KY: variants seen among roughly 807,000 people sequenced by gnomAD.
KY encodes the protein kyphoscoliosis peptidase.
Under a neutral mutation model 76.1 loss-of-function variants are expected in KY, and 43 were observed. The observed-to-expected ratio is 0.57, with a 90% CI of 0.44 to 0.73. The LOEUF (loss-of-function observed/expected upper bound fraction) is 0.73. KY is among the 30% of genes least tolerant of loss of function. The pLI, the probability that KY is intolerant of heterozygous loss-of-function variation, is 0.00. For missense variants in KY, 722 were observed against 828.9 expected (o/e 0.87, Z 1.58); for synonymous variants, 277 against 326.2 (o/e 0.85, Z 1.63).
At position 134,601,351 on chromosome 3, in the gene KY, C is replaced by T. The variant is rs1485718885; in HGVS notation, c.*2228G>A. Among the ~76,000 whole-genome samples the T allele has an allele frequency of 3.3e-5, 5 of 152,090 alleles. No individual in the cohort carries two copies. Among genetic ancestry groups the T allele is most frequent in the Non-Finnish European group, 5.9e-5 (4 of 68,020 alleles). On this transcript the variant is annotated 3_prime_UTR_variant, in exon 11 of 11. Coordinates refer to ENST00000423778, the MANE Select transcript of KY (RefSeq NM_178554.6). The stretch of plus-strand genomic sequence containing the variant: ...AGCTCCTATTTTGCTGGGTGGCATT[C>T]TCTGCAATGCTCCAGGATGTATTGA...
chr3:134,620,692 C>A, intron 7 of KY, 57 bp downstream of exon 7: 1 of 1,220,546 alleles, frequency 8.2e-7, no homozygotes, highest in South Asian at 1.3e-5. Flanking sequence ...GGAGCAGAGG[C>A]CTGCAGGGAA....
intron 2 of KY, among the ~76,000 whole-genome samples, chr3:134,646,733 C>T (rs1461001340): frequency 6.6e-6 from 1 of 152,182 alleles, no homozygotes; most frequent in Non-Finnish European, 1.5e-5. Flanking sequence ...CTAGGGCTCA[C>T]ATAGCTGCGG....
At chr3:134,623,859 C>T (rs994229551) in intron 6 of KY, among the ~76,000 whole-genome samples, 4 of 152,186 alleles carry the variant, frequency 2.6e-5, no homozygotes, top group Non-Finnish European at 4.4e-5. Context: ...TCTGACCCTT[C>T]CTGGCCTTGC....
intron 7 of KY, chr3:134,620,034 G>C (rs1018066521): frequency 6.6e-6 from 1 of 152,270 alleles, no homozygotes; most frequent in Non-Finnish European, 1.5e-5. Flanking sequence ...GCAGCAGGTC[G>C]AGAAAGACCC....
chr3:134,643,504 T>TGTGTGCACACCCTCACA (rs1966033702), intron 2 of KY, 126 bp from the exon 3 acceptor site: 2 of 699,292 alleles, frequency 2.9e-6, no homozygotes, highest in Admixed American at 4.5e-5. Flanking sequence ...CAGGCCTAAA[T>TGTGTGCACACCCTCACA]GTGTGCACAC....
chr3:134,627,643 G>A, intron 5 of KY, 113 bp downstream of exon 5: 1 of 871,630 alleles, frequency 1.1e-6, no homozygotes, highest in Non-Finnish European at 1.9e-6. Flanking sequence ...CCCAAAGGTG[G>A]CCCCAGCCTC....
At chr3:134,636,274 T>C (rs1220642988) in intron 3 of KY, among the ~76,000 whole-genome samples, 1 of 152,264 alleles carries the variant, frequency 6.6e-6, no homozygotes, top group Non-Finnish European at 1.5e-5. Context: ...AGAATGCCCA[T>C]TGTGCACATT....
Position 134,604,356 on chromosome 3 carries a change from C to T in KY, c.1209G>A (p.Glu403=), listed in dbSNP as rs751530888. The change falls in exon 11 of 11, where the codon GAG becomes GAA. Residue 403 remains glutamate, a synonymous_variant. Coordinates refer to ENST00000423778, the MANE Select transcript of KY (RefSeq NM_178554.6). ...LSLRKNGMKL[E]VYPPTMGTHK... is the part of the protein sequence containing the mutation. ...GAGTGCCCATGGTTGGAGGGTACAC[C>T]TCCAACTTCATCCCATTCTTCCTTA... 6.2e-7 allele frequency: 1 copy of T among 1,614,028 alleles called. No individual in the cohort carries two copies. Among genetic ancestry groups the T allele is most frequent in the East Asian group, 2.2e-5 (1 of 44,872 alleles).
chr3:134,621,745 G>A (rs972416250), intron 6 of KY, among the ~76,000 whole-genome samples: 6 of 152,110 alleles, frequency 3.9e-5, no homozygotes, highest in African/African-American at 1.2e-4. Flanking sequence ...AAATTTCTGT[G>A]CATTAAAGGA....
In KY at chr3:134,603,998, G is replaced by T; in HGVS notation, c.1567C>A (p.Leu523Met). ...FQLHREKQTE[L>M]KVQLPHAGKF... is the part of the protein sequence containing the mutation. ...CCTGCATGGGGCAGCTGGACTTTCA[G>T]CTCGGTCTGCTTCTCCCGGTGCAGC... The change falls in exon 11 of 11, where the codon CTG becomes ATG. Residue 523 changes from leucine to methionine, a missense_variant. Transcript: ENST00000423778. 6.2e-7 allele frequency: 1 copy of T among 1,613,874 alleles called. No individual in the cohort carries two copies. Among genetic ancestry groups the T allele is most frequent in the African/African-American group, 1.3e-5 (1 of 75,048 alleles).
chr3:134,627,669 A>G, intron 5 of KY, 87 bp downstream of exon 5: 1 of 1,222,616 alleles, frequency 8.2e-7, no homozygotes, highest in South Asian at 1.2e-5. Context: ...ATAGTGGCCC[A>G]GGAAGCAACT....
At position 134,650,985 on chromosome 3, in the gene KY, G is replaced by A; in HGVS notation, c.-25C>T. Reference sequence around the variant, plus strand: ...TGATGCCGCCTCCTTTCCGACCTGGGCGCCGCGGCCGCACGCTAGGCTGCT... The same window carrying A: ...TGATGCCGCCTCCTTTCCGACCTGGACGCCGCGGCCGCACGCTAGGCTGCT... On this transcript the variant is annotated 5_prime_UTR_variant, in exon 1 of 11. Coordinates refer to ENST00000423778, the MANE Select transcript of KY (RefSeq NM_178554.6). The A allele has an allele frequency of 1.9e-6, 3 of 1,612,670 alleles. No homozygotes were observed. Among genetic ancestry groups the A allele is most frequent in the Non-Finnish European group, 2.5e-6 (3 of 1,179,272 alleles).
At chr3:134,608,424 T>C in intron 10 of KY, 2 of 1,499,566 alleles carry the variant, frequency 1.3e-6, no homozygotes, top group Non-Finnish European at 1.8e-6. Context: ...GTGAGTGAGC[T>C]TTTGTCCCTG....
Position 134,650,953 on chromosome 3 carries a change from A to G in KY, c.8T>C (p.Leu3Pro). Residue 3 changes from leucine (L) to proline (P), a missense_variant, in exon 1 of 11, where the codon CTG becomes CCG. This residue lies in a region of KY where 170 missense variants were observed against 148.1 expected (regional missense o/e 1.15). Transcript: ENST00000423778. ...AGATACAGCGTTGATGTCCTTCTTC[A>G]GCTCCATGATGCCGCCTCCTTTCCG... ME[L>P]KKDINAVSID... 6.2e-7 allele frequency: 1 copy of G among 1,613,198 alleles called. No individual in the cohort carries two copies. The highest frequency in any genetic ancestry group is 8.5e-7 in the Non-Finnish European group (1 of 1,179,470).
rs1374546535 is a variant in KY, at chr3:134,601,053, A to C, written c.*2526T>G. The C allele has an allele frequency of 6.6e-6, 1 of 152,188 alleles. No individual in the cohort carries two copies. Among genetic ancestry groups the C allele is most frequent in the Non-Finnish European group, 1.5e-5 (1 of 68,034 alleles). The allele number at this position is 152,188 out of a possible 1,614,324, so 9.4% of individuals were successfully genotyped here. ...CCGTGCCATTCCGCCGGCGACTGGG[A>C]CTCGTCGCCCGGGAAACAAAGATGG... On this transcript the variant is annotated 3_prime_UTR_variant, in exon 11 of 11. Transcript: ENST00000423778.
chr3:134,635,365 C>T (rs1480926734), intron 3 of KY, among the ~76,000 whole-genome samples: 3 of 151,888 alleles, frequency 2.0e-5, no homozygotes, highest in African/African-American at 4.8e-5. Flanking sequence ...GGCATGGTGG[C>T]AGGCACCTGT....
At chr3:134,642,366 G>A (rs1179126707) in intron 3 of KY, among the ~76,000 whole-genome samples, 2 of 152,200 alleles carry the variant, frequency 1.3e-5, no homozygotes, top group African/African-American at 4.8e-5. Context: ...GAGCAAGCGT[G>A]ATGAACTCTT....
Position 134,603,411 on chromosome 3 carries a change from G to T in KY, c.*168C>A. ...CAGCCACACCTGAGTGAAGCCTTCA[G>T]AACACAAAGATCACAGCTCCTGTGG... On this transcript the variant is annotated 3_prime_UTR_variant, in exon 11 of 11. Transcript: ENST00000423778. 1.6e-6 allele frequency: 1 copy of T among 625,396 alleles called. No individual in the cohort carries two copies. Among genetic ancestry groups the T allele is most frequent in the Non-Finnish European group, 2.7e-6 (1 of 368,480 alleles). The allele number at this position is 625,396 out of a possible 1,614,324, so 38.7% of individuals were successfully genotyped here.
intron 5 of KY, among the ~76,000 whole-genome samples, chr3:134,627,101 A>G (rs1963557029): frequency 6.6e-6 from 1 of 152,144 alleles, no homozygotes. Context: ...TCTTGGTTCC[A>G]TTTTCCAACA....
Sources: allele counts gnomAD v4.1 joint callset (sites outside exome capture counted in the v4.1 genomes callset), GRCh38; gene constraint gnomAD v4.1.1; regional missense constraint gnomAD v4.1.1; transcripts MANE v1.5; gene names NCBI Gene and HGNC (gene_info 2026-07-23, HGNC 2026-07-21).